The following SEC24D variants were observed in gnomAD, a reference collection of about 807,000 sequenced individuals.
SEC24D encodes the protein protein transport protein Sec24D.
SEC24D carries 69 observed loss-of-function variants against 116.9 expected under a neutral mutation model. The observed-to-expected ratio is 0.59, with a 90% CI of 0.49 to 0.72. The LOEUF (loss-of-function observed/expected upper bound fraction) is 0.72, where lower values mean the gene tolerates loss of function less well. Among genes scored for constraint, SEC24D ranks in the 30% least tolerant of loss-of-function variants. The probability of loss-of-function intolerance (pLI) is 0.00; values close to 1 mark genes in which losing one functional copy is unlikely to be tolerated. For synonymous variants in SEC24D, 405 were observed against 442.8 expected (o/e 0.91, Z 1.07); for missense variants, 1,131 against 1,264.1 (o/e 0.89, Z 1.60).
At chr4:118,794,522 G>A in intron 8 of SEC24D, among the ~76,000 whole-genome samples, 1 of 152,284 alleles carries the variant, frequency 6.6e-6, no homozygotes, top group East Asian at 1.9e-4. Context: ...CAATAGAATT[G>A]CTTCCTATGA....
At chr4:118,825,438 G>A (rs190114865) in intron 2 of SEC24D, 29 of 395,884 alleles carry the variant, frequency 7.3e-5, no homozygotes, top group African/African-American at 5.9e-4. Flanking sequence ...CTCAAATAGA[G>A]ACCTTTAAAG....
intron 11 of SEC24D, among the ~76,000 whole-genome samples, chr4:118,756,342 C>T (rs554558274): frequency 1.3e-5 from 2 of 152,284 alleles, no homozygotes; most frequent in East Asian, 3.9e-4. Flanking sequence ...CCATCTTCAA[C>T]TTGCTCCCAG....
intron 6 of SEC24D, among the ~76,000 whole-genome samples, chr4:118,809,988 C>CT (rs1429649790): frequency 2.0e-5 from 3 of 151,842 alleles, no homozygotes; most frequent in Non-Finnish European, 2.9e-5. Context: ...CAGGACCATG[C>CT]TTGGCCTGCC....
At chr4:118,768,394 CTTTTTT>C in intron 8 of SEC24D, 83 bp from the exon 9 acceptor site, 46 of 581,508 alleles carry the variant, frequency 7.9e-5, no homozygotes, top group Non-Finnish European at 1.1e-4. Flanking sequence ...TTTAATGGCA[CTTTTTT>C]TTTTTTTTTT....
intron 19 of SEC24D, 99 bp downstream of exon 19, chr4:118,738,162 C>G: frequency 1.2e-6 from 1 of 804,146 alleles, no homozygotes; most frequent in Non-Finnish European, 2.1e-6. Context: ...GTAACAGCAT[C>G]TAAGTGCCTG....
At chr4:118,724,870 T>A (rs1482893577) in intron 22 of SEC24D, among the ~76,000 whole-genome samples, 1 of 152,206 alleles carries the variant, frequency 6.6e-6, no homozygotes, top group Non-Finnish European at 1.5e-5. Flanking sequence ...GCGAGGGTAT[T>A]TCTCACTTCT....
chr4:118,731,526 A>G lies in SEC24D; in HGVS notation c.2677-19T>C, dbSNP rs2110430529. 1 of 1,608,792 alleles carries G rather than the reference A, an allele frequency of 6.2e-7. No individual in the cohort carries two copies. The highest frequency in any genetic ancestry group is 8.5e-7 in the Non-Finnish European group (1 of 1,175,534). On this transcript the variant is annotated intron_variant, in intron 20 of 22. Transcript: ENST00000280551. ...ACGTGTGCTGGGCAGGCACAGACAA[A>G]AGAGTTAGAAACTCCTTTCTTCCCC... is the stretch of plus-strand genomic sequence containing the variant.
intron 3 of SEC24D, among the ~76,000 whole-genome samples, chr4:118,823,524 A>G (rs1730484157): frequency 6.6e-6 from 1 of 152,226 alleles, no homozygotes; most frequent in Non-Finnish European, 1.5e-5. Context: ...CTGGGAAGGA[A>G]CCTGAGAAAT....
intron 8 of SEC24D, among the ~76,000 whole-genome samples, chr4:118,784,554 A>G (rs1728578276): frequency 6.6e-6 from 1 of 152,232 alleles, no homozygotes; most frequent in Non-Finnish European, 1.5e-5. Context: ...TTTGTGGTAG[A>G]TGAACTCCAG....
intron 8 of SEC24D, among the ~76,000 whole-genome samples, chr4:118,775,447 G>C (rs1318134624): frequency 6.6e-6 from 1 of 151,930 alleles, no homozygotes; most frequent in Non-Finnish European, 1.5e-5. Flanking sequence ...TCCACTGAGA[G>C]AGAGAAAGAA....
At chr4:118,757,356 T>C (rs775989287) in intron 11 of SEC24D, among the ~76,000 whole-genome samples, 2 of 152,194 alleles carry the variant, frequency 1.3e-5, no homozygotes, top group Non-Finnish European at 2.9e-5. Context: ...TTTCCTGTCA[T>C]CCCTTCGAAC....
chr4:118,817,306 G>C lies in SEC24D; in HGVS notation c.355C>G (p.Gln119Glu), dbSNP rs746454357. 2 of 1,613,560 alleles carry C rather than the reference G, an allele frequency of 1.2e-6. No homozygotes were observed. Among genetic ancestry groups the C allele is most frequent in the Admixed American group, 3.3e-5 (2 of 59,920 alleles). Residue 119 changes from glutamine to glutamate, a missense_variant, in exon 4 of 23, where the codon CAG becomes GAG. Transcript: ENST00000280551. ...PGPISTSSVT[Q>E]LGSQLSAMQI... Reference sequence around the variant, plus strand: ...ATAGCACTGAGCTGGCTGCCCAGCTGGGTGACAGATGAAGTGGATATAGGA... The same window carrying C: ...ATAGCACTGAGCTGGCTGCCCAGCTCGGTGACAGATGAAGTGGATATAGGA...
intron 2 of SEC24D, among the ~76,000 whole-genome samples, chr4:118,830,322 C>T (rs940448892): frequency 2.6e-5 from 4 of 152,136 alleles, no homozygotes; most frequent in East Asian, 1.9e-4. Context: ...CAGCACTTTG[C>T]GAGGCCAAGG....
intron 8 of SEC24D, among the ~76,000 whole-genome samples, chr4:118,788,934 C>T (rs139398331): frequency 5.3e-5 from 8 of 152,260 alleles, no homozygotes; most frequent in African/African-American, 1.7e-4. Flanking sequence ...GACCTCTATG[C>T]CCAGCCCACT....
At chr4:118,824,036 T>C (rs1368856983) in intron 3 of SEC24D, among the ~76,000 whole-genome samples, 1 of 152,250 alleles carries the variant, frequency 6.6e-6, no homozygotes, top group Non-Finnish European at 1.5e-5. Context: ...AAAATTGATA[T>C]AAAATTCTAA....
intron 8 of SEC24D, among the ~76,000 whole-genome samples, chr4:118,793,712 A>C (rs1210511517): frequency 1.3e-5 from 2 of 152,202 alleles, no homozygotes; most frequent in Non-Finnish European, 2.9e-5. Flanking sequence ...CTATTTCAAC[A>C]AATAAAAATA....
intron 11 of SEC24D, among the ~76,000 whole-genome samples, chr4:118,754,643 T>C (rs979879515): frequency 2.0e-5 from 3 of 152,138 alleles, no homozygotes; most frequent in African/African-American, 7.2e-5. Flanking sequence ...ATTTGGGATG[T>C]CAAGTTAGAG....
chr4:118,724,990 C>G (rs1033280295), intron 22 of SEC24D, among the ~76,000 whole-genome samples: 1 of 152,240 alleles, frequency 6.6e-6, no homozygotes, highest in Non-Finnish European at 1.5e-5. Context: ...GCTAGGAGGG[C>G]AGGGCCCTCC....
chr4:118,763,754 T>C (rs1250080502), intron 10 of SEC24D, among the ~76,000 whole-genome samples: 1 of 152,136 alleles, frequency 6.6e-6, no homozygotes. Context: ...CATACACTGA[T>C]CAACTACCTA....
Sources: allele counts gnomAD v4.1 joint callset (sites outside exome capture counted in the v4.1 genomes callset), GRCh38; gene constraint gnomAD v4.1.1; transcripts MANE v1.5; gene names NCBI Gene and HGNC (gene_info 2026-07-23, HGNC 2026-07-21).